The following RARB variants were observed in gnomAD, a reference collection of about 807,000 sequenced individuals.
The protein encoded by RARB is retinoic acid receptor beta.
Under a neutral mutation model 51.9 loss-of-function variants are expected in RARB, and 17 were observed. The observed-to-expected ratio is 0.33, with a 90% CI of 0.22 to 0.49. RARB has a LOEUF of 0.49. Among genes scored for constraint, RARB ranks in the 20% least tolerant of loss-of-function variants. The probability of loss-of-function intolerance (pLI) is 0.99; values close to 1 mark genes in which losing one functional copy is unlikely to be tolerated. For synonymous variants in RARB, 215 were observed against 195.4 expected, an observed-to-expected ratio of 1.10 and a Z score of -0.84; for missense variants, 369 against 550.8, an observed-to-expected ratio of 0.67 and a Z score of 3.30.
Position 25,049,850 on chromosome 3 carries a change from T to C in RARB, c.-379-10275T>C, listed in dbSNP as rs142034551. On this transcript the variant is annotated intron_variant, in intron 2 of 11. Transcript: ENST00000383772. ...AGTGTACTGAAACTGTTTATTTGTTTGATACGTATTTTTGGCATTGTGAAT... is the reference window on the plus strand; with the variant it reads ...AGTGTACTGAAACTGTTTATTTGTTCGATACGTATTTTTGGCATTGTGAAT... Among the ~76,000 whole-genome samples the C allele has an allele frequency of 3.5e-4, 53 of 152,348 alleles. 1 individual carries two copies. The highest frequency in any genetic ancestry group is 1.2e-3 in the African/African-American group (50 of 41,574).
At chr3:24,943,614 A>C (rs1177596253) in intron 2 of RARB, among the ~76,000 whole-genome samples, 1 of 152,222 alleles carries the variant, frequency 6.6e-6, no homozygotes, top group East Asian at 1.9e-4. Context: ...GGTTTTGAGC[A>C]GATGTTAACA....
chr3:24,969,228 C>T (rs1296218433), intron 2 of RARB, among the ~76,000 whole-genome samples: 1 of 152,136 alleles, frequency 6.6e-6, no homozygotes, highest in African/African-American at 2.4e-5. Context: ...AATTTTCTTA[C>T]CTATAAAAAG....
intron 5 of RARB, among the ~76,000 whole-genome samples, chr3:25,351,452 G>C (rs1705567640): frequency 6.6e-6 from 1 of 151,970 alleles, no homozygotes; most frequent in Admixed American, 6.6e-5. Context: ...TTATGTGCTT[G>C]CATCTCATTT....
At chr3:25,348,553 T>A (rs1225567009) in intron 5 of RARB, among the ~76,000 whole-genome samples, 1 of 152,012 alleles carries the variant, frequency 6.6e-6, no homozygotes, top group African/African-American at 2.4e-5. Context: ...AAGTAAAAAA[T>A]ACTGCAAGCT....
intron 4 of RARB, among the ~76,000 whole-genome samples, chr3:25,158,539 G>T (rs1700414806): frequency 6.6e-6 from 1 of 152,060 alleles, no homozygotes; most frequent in African/African-American, 2.4e-5. Context: ...GGGGGAGGTG[G>T]TAACTCTTCT....
At chr3:25,352,372 C>G (rs1183731765) in intron 5 of RARB, 2 of 152,200 alleles carry the variant, frequency 1.3e-5, no homozygotes, top group African/African-American at 4.8e-5. Context: ...GGGGCACATT[C>G]ATGGTGGTAT....
chr3:25,256,701 G>A (rs183145957), intron 5 of RARB, among the ~76,000 whole-genome samples: 35 of 152,086 alleles, frequency 2.3e-4, no homozygotes, highest in Admixed American at 6.6e-4. Flanking sequence ...GAAATTCTAC[G>A]TAATCAGTGG....
At chr3:24,854,068 G>C (rs1702600768) in intron 1 of RARB, among the ~76,000 whole-genome samples, 1 of 152,172 alleles carries the variant, frequency 6.6e-6, no homozygotes, top group African/African-American at 2.4e-5. Flanking sequence ...TGGTTGTAGG[G>C]TCGTGTAGTT....
chr3:25,180,460 C>T (rs1700839304), intron 5 of RARB, among the ~76,000 whole-genome samples: 1 of 152,158 alleles, frequency 6.6e-6, no homozygotes, highest in Non-Finnish European at 1.5e-5. Context: ...TTCTAAAGTT[C>T]TGCCTCAATG....
intron 2 of RARB, among the ~76,000 whole-genome samples, chr3:24,967,401 C>G (rs1696299641): frequency 6.6e-6 from 1 of 152,144 alleles, no homozygotes. Context: ...ACTACCCCCG[C>G]AAATTCTAAG....
chr3:25,520,817 C>A (rs964711048), intron 3 of RARB, among the ~76,000 whole-genome samples: 3 of 152,178 alleles, frequency 2.0e-5, no homozygotes, highest in Admixed American at 2.0e-4. Flanking sequence ...TTACCCTTCA[C>A]TGAAGCCTTT....
At chr3:25,069,482 A>C (rs1160619249) in intron 3 of RARB, among the ~76,000 whole-genome samples, 3 of 152,186 alleles carry the variant, frequency 2.0e-5, no homozygotes, top group African/African-American at 7.2e-5. Flanking sequence ...CAAGCAAGGA[A>C]TGATTTCCTA....
At chr3:25,365,663 T>C (rs1575345816) in intron 5 of RARB, among the ~76,000 whole-genome samples, 1 of 152,292 alleles carries the variant, frequency 6.6e-6, no homozygotes, top group East Asian at 1.9e-4. Flanking sequence ...TGAAATCACA[T>C]GAAGGATTAT....
chr3:24,892,913 G>A lies in RARB; in HGVS notation c.-380+34161G>A, dbSNP rs115634665. The stretch of plus-strand genomic sequence containing the variant: ...CATTGGGCTATCACTGTGCTATGAT[G>A]TTGTAAGTGGTCTCTTGGCAATTGC... On this transcript the variant is annotated intron_variant, in intron 2 of 11. Transcript: ENST00000383772. Among the ~76,000 whole-genome samples the A allele has an allele frequency of 7.1e-3, 1,088 of 152,302 alleles. 14 individuals are homozygous for A. The highest frequency in any genetic ancestry group is 0.025 in the African/African-American group (1,037 of 41,556).
chr3:25,569,473 G>C (rs1459947151), intron 3 of RARB, among the ~76,000 whole-genome samples: 2 of 152,182 alleles, frequency 1.3e-5, no homozygotes, highest in Non-Finnish European at 2.9e-5. Context: ...CACAGAAAAA[G>C]TTCTCTCACA....
intron 3 of RARB, among the ~76,000 whole-genome samples, chr3:25,126,015 G>A (rs75365098): frequency 0.019 from 2,907 of 152,274 alleles, 75 homozygotes; most frequent in African/African-American, 0.057. Context: ...AATTAGCTCT[G>A]TATAAATGGT....
chr3:25,378,243 A>G (rs1170753404), intron 5 of RARB, among the ~76,000 whole-genome samples: 1 of 152,212 alleles, frequency 6.6e-6, no homozygotes, highest in African/African-American at 2.4e-5. Flanking sequence ...TTATATAGGC[A>G]CTTTAGGAAA....
chr3:25,419,734 T>A (rs1707806911), intron 5 of RARB, among the ~76,000 whole-genome samples: 1 of 152,236 alleles, frequency 6.6e-6, no homozygotes. Flanking sequence ...CTGCAGCAGA[T>A]CCTACATTTT....
chr3:24,907,566 G>T (rs1694893408), intron 2 of RARB, among the ~76,000 whole-genome samples: 1 of 152,162 alleles, frequency 6.6e-6, no homozygotes, highest in South Asian at 2.1e-4. Flanking sequence ...AAGGGCAAGA[G>T]AAGCTGAGTG....
Sources: gnomAD v4.1 joint callset for allele counts (sites outside exome capture counted in the v4.1 genomes callset) on GRCh38, gnomAD v4.1.1 for gene constraint, MANE v1.5 for transcripts, NCBI Gene and HGNC (gene_info 2026-07-23, HGNC 2026-07-21) for gene names.